FHIP1A: variants seen among roughly 807,000 people sequenced by gnomAD.
FHIP1A encodes FHF complex subunit HOOK interacting protein 1A, also known as FHF complex subunit HOOK-interacting protein 1A.
A neutral mutation model predicts 88.6 loss-of-function variants in FHIP1A; 61 were observed. That is an observed-to-expected ratio of 0.69 (90% CI 0.56 to 0.85). The LOEUF is 0.85. Among genes scored for constraint, FHIP1A ranks in the 40% least tolerant of loss-of-function variants. The pLI is 0.00. For synonymous variants in FHIP1A, 478 were observed against 496.0 expected, an observed-to-expected ratio of 0.96 and a Z score of 0.48; for missense variants, 1,154 against 1,273.5, an observed-to-expected ratio of 0.91 and a Z score of 1.43.
chr4:151,442,049 T>C (rs538586013), intron 1 of FHIP1A, among the ~76,000 whole-genome samples: 1 of 152,228 alleles, frequency 6.6e-6, no homozygotes, highest in Non-Finnish European at 1.5e-5. Flanking sequence ...ACTATATGTT[T>C]ACTCTTGGAT....
At chr4:151,635,854 C>A (rs1252997280) in intron 8 of FHIP1A, among the ~76,000 whole-genome samples, 3 of 151,880 alleles carry the variant, frequency 2.0e-5, no homozygotes, top group Non-Finnish European at 4.4e-5. Flanking sequence ...GCTTAAAAAT[C>A]ATTAAGACGT....
chr4:151,592,436 T>C (rs182080180), intron 7 of FHIP1A, among the ~76,000 whole-genome samples: 641 of 152,310 alleles, frequency 4.2e-3, no homozygotes, highest in Non-Finnish European at 7.4e-3. Context: ...GCCCGGCTGT[T>C]CCCTGACTTT....
At chr4:151,464,675 T>A (rs993471060) in intron 2 of FHIP1A, among the ~76,000 whole-genome samples, 7 of 152,208 alleles carry the variant, frequency 4.6e-5, no homozygotes, top group Admixed American at 2.0e-4. Context: ...TCAGGAAGCT[T>A]ATTGTGTATC....
At chr4:151,504,465 T>C (rs572617557) in intron 3 of FHIP1A, among the ~76,000 whole-genome samples, 5 of 152,320 alleles carry the variant, frequency 3.3e-5, no homozygotes, top group African/African-American at 1.2e-4. Context: ...AGCCAGTATA[T>C]TACTCAGGAT....
At chr4:151,455,620 G>T (rs973081143) in intron 2 of FHIP1A, among the ~76,000 whole-genome samples, 5 of 152,180 alleles carry the variant, frequency 3.3e-5, no homozygotes, top group Non-Finnish European at 7.3e-5. Context: ...GGTTCAGGGA[G>T]ATGCCACTTC....
intron 3 of FHIP1A, among the ~76,000 whole-genome samples, chr4:151,498,833 T>C (rs1206280697): frequency 6.6e-6 from 1 of 152,042 alleles, no homozygotes. Flanking sequence ...AAAAAAAATA[T>C]ATGAAATATG....
chr4:151,599,641 A>ACT (rs1734786147), intron 7 of FHIP1A, among the ~76,000 whole-genome samples: 2 of 152,198 alleles, frequency 1.3e-5, no homozygotes, highest in Non-Finnish European at 2.9e-5. Flanking sequence ...CAGTGCTTCC[A>ACT]GTCACTGGCT....
At chr4:151,451,187 G>T (rs1275386334) in intron 1 of FHIP1A, among the ~76,000 whole-genome samples, 1 of 151,868 alleles carries the variant, frequency 6.6e-6, no homozygotes, top group Non-Finnish European at 1.5e-5. Flanking sequence ...GTTTTTGGGG[G>T]TTTTCATCTT....
At chr4:151,548,561 G>A (rs962903791) in intron 3 of FHIP1A, among the ~76,000 whole-genome samples, 1 of 152,164 alleles carries the variant, frequency 6.6e-6, no homozygotes, top group African/African-American at 2.4e-5. Flanking sequence ...GTGACCTCTG[G>A]TGGTCCTCAC....
intron 2 of FHIP1A, among the ~76,000 whole-genome samples, chr4:151,473,860 A>G (rs553460717): frequency 1.3e-5 from 2 of 152,346 alleles, no homozygotes; most frequent in African/African-American, 4.8e-5. Context: ...GGCCTTGACC[A>G]AGGTGAGAAT....
At chr4:151,496,716 CTTTT>C (rs58538673) in intron 3 of FHIP1A, among the ~76,000 whole-genome samples, 1 of 102,472 alleles carries the variant, frequency 9.8e-6, no homozygotes, top group East Asian at 2.8e-4. Flanking sequence ...CCACGTCCAG[CTTTT>C]TTTTTTTTTT....
At chr4:151,426,937 A>T (rs748155992) in intron 1 of FHIP1A, among the ~76,000 whole-genome samples, 14 of 152,214 alleles carry the variant, frequency 9.2e-5, no homozygotes, top group Non-Finnish European at 2.1e-4. Context: ...TACATTTAAA[A>T]TATAATCACA....
chr4:151,426,796 G>A (rs2126532007), intron 1 of FHIP1A, among the ~76,000 whole-genome samples: 1 of 152,204 alleles, frequency 6.6e-6, no homozygotes, highest in South Asian at 2.1e-4. Flanking sequence ...TGTTTAGGTA[G>A]CCTTACGGTG....
At chr4:151,553,573 T>C (rs1250610099) in intron 3 of FHIP1A, among the ~76,000 whole-genome samples, 1 of 152,206 alleles carries the variant, frequency 6.6e-6, no homozygotes, top group Non-Finnish European at 1.5e-5. Context: ...TTAGAATTAC[T>C]AACCAGTTGG....
chr4:151,569,957 C>T (rs79745115), intron 4 of FHIP1A, among the ~76,000 whole-genome samples: 1,611 of 152,294 alleles, frequency 0.011, 12 homozygotes, highest in Non-Finnish European at 0.017. Context: ...AATAGTGACA[C>T]TGAAGAGTCT....
At chr4:151,627,659 G>T (rs1736002441) in intron 7 of FHIP1A, among the ~76,000 whole-genome samples, 1 of 152,180 alleles carries the variant, frequency 6.6e-6, no homozygotes, top group African/African-American at 2.4e-5. Context: ...GTAGTGAAGT[G>T]GATGTGAGCT....
rs80100479 is a variant in FHIP1A, at chr4:151,475,393, G to C, written c.-247-7131G>C. Among the ~76,000 whole-genome samples, 101 of 152,336 alleles carry C rather than the reference G, an allele frequency of 6.6e-4. 2 individuals carry two copies. The East Asian group carries it at 0.019, about 28-fold the overall frequency. On this transcript the variant is annotated intron_variant, in intron 2 of 13. Transcript: ENST00000435205. ...GACAAAATGAAACAGCATTGGGGTA[G>C]AGACAAGATTGGAATGCGATTTCTA...
intron 3 of FHIP1A, among the ~76,000 whole-genome samples, chr4:151,564,668 A>G (rs1012820311): frequency 3.3e-5 from 5 of 152,220 alleles, no homozygotes; most frequent in Admixed American, 2.6e-4. Flanking sequence ...CAATTTTCAT[A>G]ATAAAATACA....
intron 3 of FHIP1A, among the ~76,000 whole-genome samples, chr4:151,525,378 C>A (rs527568249): frequency 1.3e-5 from 2 of 152,346 alleles, no homozygotes; most frequent in Admixed American, 1.3e-4. Context: ...ATTGTATTTT[C>A]AATTCCTGAG....
Sources: allele counts gnomAD v4.1 joint callset (sites outside exome capture counted in the v4.1 genomes callset), GRCh38; gene constraint gnomAD v4.1.1; transcripts MANE v1.5; gene names NCBI Gene and HGNC (gene_info 2026-07-23, HGNC 2026-07-21).